The following CYP2C18 variants were observed in gnomAD, a reference collection of about 807,000 sequenced individuals.
CYP2C18 encodes cytochrome P450 family 2 subfamily C member 18.
Under a neutral mutation model 41.3 loss-of-function variants are expected in CYP2C18, and 38 were observed. The observed-to-expected ratio is 0.92, with a 90% CI of 0.71 to 1.21. The LOEUF is 1.21. CYP2C18 is among the 50% of genes most tolerant of loss of function. The probability of loss-of-function intolerance (pLI) is 0.00; values close to 1 mark genes in which losing one functional copy is unlikely to be tolerated. For missense variants in CYP2C18, 635 were observed against 591.4 expected (o/e 1.07, Z -0.77); for synonymous variants, 236 against 210.0 (o/e 1.12, Z -1.07).
At chr10:94,703,483 T>A (rs1589797826) in intron 4 of CYP2C18, among the ~76,000 whole-genome samples, 1 of 152,188 alleles carries the variant, frequency 6.6e-6, no homozygotes, top group Non-Finnish European at 1.5e-5. Flanking sequence ...TTTGTGGTGC[T>A]GCGGTGGGCA....
At chr10:94,719,401 A>G (rs1357382434) in intron 5 of CYP2C18, among the ~76,000 whole-genome samples, 1 of 150,594 alleles carries the variant, frequency 6.6e-6, no homozygotes, top group African/African-American at 2.5e-5. Context: ...ATGAACCTTC[A>G]TCTTGATTAT....
At chr10:94,717,874 A>G (rs1467544200) in intron 5 of CYP2C18, among the ~76,000 whole-genome samples, 1 of 152,072 alleles carries the variant, frequency 6.6e-6, no homozygotes, top group South Asian at 2.1e-4. Flanking sequence ...ATAGCTTGAA[A>G]TCAGGTAATG....
At position 94,688,146 on chromosome 10, in the gene CYP2C18, A is replaced by G. The variant is rs201048148; in HGVS notation, c.353A>G (p.Lys118Arg). ...CTAGGAATCCTTTTCAGCAATGGAA[A>G]GAGATGGAAGGAGATCCGGCGTTTC... ...KGLGILFSNGKRWKEIRRFCL... is the reference protein window; with the variant it reads ...KGLGILFSNGRRWKEIRRFCL... Residue 118 changes from lysine (K) to arginine (R), a missense_variant, in exon 3 of 9, where the codon AAG (lysine) becomes AGG (arginine). Transcript: ENST00000285979. 6.2e-7 allele frequency: 1 copy of G among 1,613,528 alleles called. No individual in the cohort carries two copies. Among genetic ancestry groups the G allele is most frequent in the East Asian group, 2.2e-5 (1 of 44,844 alleles).
chr10:94,714,412 C>A (rs1373749039), intron 5 of CYP2C18, among the ~76,000 whole-genome samples: 2 of 152,184 alleles, frequency 1.3e-5, no homozygotes, highest in African/African-American at 4.8e-5. Context: ...CCAGTTTTCC[C>A]AGTACCATTT....
intron 4 of CYP2C18, among the ~76,000 whole-genome samples, chr10:94,701,307 A>G (rs913791532): frequency 1.3e-5 from 2 of 152,222 alleles, no homozygotes; most frequent in South Asian, 2.1e-4. Context: ...TGATGAGTTC[A>G]TGTCCTTTGT....
chr10:94,703,093 T>C (rs1315045725), intron 4 of CYP2C18, among the ~76,000 whole-genome samples: 3 of 152,198 alleles, frequency 2.0e-5, no homozygotes, highest in Non-Finnish European at 4.4e-5. Flanking sequence ...TGCTGCCTGC[T>C]CCTTCCTCTG....
chr10:94,703,118 G>A (rs1043031287), intron 4 of CYP2C18, among the ~76,000 whole-genome samples: 1 of 152,166 alleles, frequency 6.6e-6, no homozygotes, highest in Non-Finnish European at 1.5e-5. Flanking sequence ...CTTCATCCTG[G>A]TGGGGCACCA....
Position 94,687,938 on chromosome 10 carries a change from T to G in CYP2C18, c.331+6T>G. On this transcript the variant is annotated splice_donor_region_variant and intron_variant, in intron 2 of 8. Transcript: ENST00000285979. Reference sequence around the variant, plus strand: ...AAAAGTTAACAAAGGACTTGGTAAATGTGCATGTATCGTGTGTATGTGTAC... The same window carrying G: ...AAAAGTTAACAAAGGACTTGGTAAAGGTGCATGTATCGTGTGTATGTGTAC... 1 of 1,613,210 alleles carries G rather than the reference T, an allele frequency of 6.2e-7. No homozygotes were observed. Among genetic ancestry groups the G allele is most frequent in the East Asian group, 2.2e-5 (1 of 44,872 alleles).
At chr10:94,698,859 A>G (rs1847174851) in intron 4 of CYP2C18, among the ~76,000 whole-genome samples, 1 of 152,252 alleles carries the variant, frequency 6.6e-6, no homozygotes, top group Non-Finnish European at 1.5e-5. Flanking sequence ...ACCTCTATGC[A>G]AATACACTAG....
intron 4 of CYP2C18, among the ~76,000 whole-genome samples, chr10:94,701,415 A>C (rs1006468140): frequency 6.6e-6 from 1 of 152,118 alleles, no homozygotes; most frequent in Non-Finnish European, 1.5e-5. Context: ...TGGGAATTGA[A>C]CAGTGAGAAC....
chr10:94,697,758 T>G (rs1440997461), intron 4 of CYP2C18, among the ~76,000 whole-genome samples: 1 of 152,084 alleles, frequency 6.6e-6, no homozygotes, highest in Non-Finnish European at 1.5e-5. Context: ...GAGACATACA[T>G]AGGCTCAAAA....
chr10:94,707,385 G>T (rs141505682), intron 5 of CYP2C18, among the ~76,000 whole-genome samples: 201 of 152,196 alleles, frequency 1.3e-3, no homozygotes, highest in African/African-American at 4.1e-3. Flanking sequence ...CAATTTTTTG[G>T]TGTGCAGAAC....
Position 94,735,361 on chromosome 10 carries a change from C to A in CYP2C18, c.1390C>A (p.Pro464Thr). 1 of 1,613,690 alleles carries A rather than the reference C, an allele frequency of 6.2e-7. No homozygotes were observed. ...QNFNLKSQVD[P>T]KDIDITPIAN... ...CTTTAACCTGAAATCTCAGGTTGAC[C>A]CAAAGGATATTGACATCACCCCCAT... The change falls in exon 9 of 9, where the codon CCA (proline) becomes ACA (threonine). Residue 464 changes from proline (P) to threonine (T), a missense_variant. Coordinates refer to ENST00000285979, the MANE Select transcript of CYP2C18 (RefSeq NM_000772.3).
chr10:94,693,885 C>T (rs1175681319), intron 3 of CYP2C18, among the ~76,000 whole-genome samples: 1 of 152,058 alleles, frequency 6.6e-6, no homozygotes, highest in Non-Finnish European at 1.5e-5. Context: ...TCTTATTGCC[C>T]TTACATTTCA....
intron 7 of CYP2C18, among the ~76,000 whole-genome samples, chr10:94,726,683 C>T (rs1480482363): frequency 1.3e-5 from 2 of 151,940 alleles, no homozygotes; most frequent in Non-Finnish European, 2.9e-5. Flanking sequence ...CTGTAGCCAT[C>T]AAAAATTGAC....
chr10:94,735,294 C>G lies in CYP2C18; in HGVS notation c.1323C>G (p.Ala441=). The G allele has an allele frequency of 6.2e-7, 1 of 1,613,650 alleles. No homozygotes were observed. The highest frequency in any genetic ancestry group is 2.2e-5 in the East Asian group (1 of 44,860). ...GKRMCMGEGL[A]RMELFLFLTT... The stretch of plus-strand genomic sequence containing the variant: ...GGATGTGTATGGGAGAGGGCCTGGC[C>G]CGCATGGAGCTGTTTTTATTCCTGA... The change falls in exon 9 of 9, where the codon GCC becomes GCG. Residue 441 remains alanine (A), a synonymous_variant. Coordinates refer to ENST00000285979, the MANE Select transcript of CYP2C18 (RefSeq NM_000772.3).
Position 94,733,286 on chromosome 10 carries a change from G to A in CYP2C18, c.1150-11G>A. On this transcript the variant is annotated splice_polypyrimidine_tract_variant and intron_variant, in intron 7 of 8. Transcript: ENST00000285979. ...CTTTATAACTTAGTTTGTCTGTTTT[G>A]CTATTTTCAGGGCACGACCATAATA... 1 of 1,609,342 alleles carries A rather than the reference G, an allele frequency of 6.2e-7. No individual in the cohort carries two copies. Among genetic ancestry groups the A allele is most frequent in the Non-Finnish European group, 8.5e-7 (1 of 1,177,680 alleles).
chr10:94,689,382 A>G (rs1231254563), intron 3 of CYP2C18, among the ~76,000 whole-genome samples: 1 of 151,038 alleles, frequency 6.6e-6, no homozygotes, highest in African/African-American at 2.4e-5. Context: ...AATCTTCAAC[A>G]TCTTGGGGAT....
At chr10:94,694,841 A>G (rs1847082633) in intron 3 of CYP2C18, 76 bp from the exon 4 acceptor site, 4 of 1,493,142 alleles carry the variant, frequency 2.7e-6, no homozygotes, top group Non-Finnish European at 2.7e-6. Flanking sequence ...TTCTAAAAAT[A>G]CTTTTTCCTG....
Sources: gnomAD v4.1 joint callset for allele counts (sites outside exome capture counted in the v4.1 genomes callset) on GRCh38, gnomAD v4.1.1 for gene constraint, MANE v1.5 for transcripts, NCBI Gene and HGNC (gene_info 2026-07-23, HGNC 2026-07-21) for gene names.